The following PTPRG variants were observed in gnomAD, a reference collection of about 807,000 sequenced individuals.
PTPRG encodes protein tyrosine phosphatase receptor type G, also known as receptor-type tyrosine-protein phosphatase gamma.
PTPRG carries 102 observed loss-of-function variants against 165.3 expected under a neutral mutation model. That is an observed-to-expected ratio of 0.62 (90% CI 0.53 to 0.73). The LOEUF (loss-of-function observed/expected upper bound fraction) is 0.73, where lower values mean the gene tolerates loss of function less well. Among genes scored for constraint, PTPRG ranks in the 30% least tolerant of loss-of-function variants. PTPRG has a pLI of 0.00. For missense variants in PTPRG, 1,866 were observed against 1,861.4 expected (o/e 1.00, Z -0.05); for synonymous variants, 675 against 669.5 (o/e 1.01, Z -0.13).
At chr3:61,580,058 A>G (rs188372106) in intron 1 of PTPRG, among the ~76,000 whole-genome samples, 57 of 152,338 alleles carry the variant, frequency 3.7e-4, no homozygotes, top group Admixed American at 7.2e-4. Context: ...ATGCATGTAG[A>G]TACTAGTCTG....
intron 2 of PTPRG, among the ~76,000 whole-genome samples, chr3:61,898,462 CTT>C (rs925882495): frequency 6.6e-6 from 1 of 152,154 alleles, no homozygotes; most frequent in African/African-American, 2.4e-5. Context: ...CCTTGTTTCT[CTT>C]ATTGTATCTC....
intron 4 of PTPRG, among the ~76,000 whole-genome samples, chr3:62,047,906 C>T (rs1269663944): frequency 6.6e-6 from 1 of 152,146 alleles, no homozygotes; most frequent in Non-Finnish European, 1.5e-5. Context: ...AAAAAGCCAG[C>T]ACAGTTATTT....
chr3:62,170,765 A>C (rs1705185400), intron 8 of PTPRG, among the ~76,000 whole-genome samples: 1 of 152,200 alleles, frequency 6.6e-6, no homozygotes, highest in Non-Finnish European at 1.5e-5. Flanking sequence ...ATCTAGATGC[A>C]GTCCTATTTG....
chr3:62,183,902 G>T (rs1354141505), intron 8 of PTPRG, among the ~76,000 whole-genome samples: 4 of 152,186 alleles, frequency 2.6e-5, no homozygotes, highest in Admixed American at 1.3e-4. Context: ...TTGGAGTAAT[G>T]CCCCTGACAT....
chr3:61,835,483 G>A (rs186889912), intron 2 of PTPRG, among the ~76,000 whole-genome samples: 233 of 151,988 alleles, frequency 1.5e-3, no homozygotes, highest in South Asian at 8.1e-3. Context: ...ACAGGCACAC[G>A]CCACCACACC....
intron 12 of PTPRG, among the ~76,000 whole-genome samples, chr3:62,204,603 G>A (rs1455344542): frequency 6.6e-6 from 1 of 152,174 alleles, no homozygotes; most frequent in Non-Finnish European, 1.5e-5. Flanking sequence ...GAGAGGATAG[G>A]GACCTACCTT....
At chr3:61,725,300 A>G (rs2032210582) in intron 1 of PTPRG, among the ~76,000 whole-genome samples, 1 of 152,068 alleles carries the variant, frequency 6.6e-6, no homozygotes, top group Non-Finnish European at 1.5e-5. Flanking sequence ...TATTTTTAGT[A>G]GAGACAGGAT....
At chr3:62,179,326 G>C (rs886498138) in intron 8 of PTPRG, among the ~76,000 whole-genome samples, 1 of 152,142 alleles carries the variant, frequency 6.6e-6, no homozygotes, top group Non-Finnish European at 1.5e-5. Context: ...CAACTCTCTT[G>C]ACTGGTTTTG....
At chr3:61,736,287 A>G (rs890939131) in intron 1 of PTPRG, among the ~76,000 whole-genome samples, 2 of 151,346 alleles carry the variant, frequency 1.3e-5, no homozygotes, top group Non-Finnish European at 2.9e-5. Context: ...CTGTACCTCT[A>G]CAAGTATCAT....
At chr3:62,115,377 AT>A (rs886509908) in intron 5 of PTPRG, among the ~76,000 whole-genome samples, 1 of 152,006 alleles carries the variant, frequency 6.6e-6, no homozygotes. Flanking sequence ...CTCAACTAAA[AT>A]TTTTTTTGGT....
chr3:61,726,600 C>T (rs1448434595), intron 1 of PTPRG, among the ~76,000 whole-genome samples: 1 of 152,182 alleles, frequency 6.6e-6, no homozygotes, highest in Non-Finnish European at 1.5e-5. Context: ...AGAATTATAT[C>T]TTCTCCAATG....
At chr3:61,870,315 TTC>T (rs1387001562) in intron 2 of PTPRG, among the ~76,000 whole-genome samples, 1 of 145,460 alleles carries the variant, frequency 6.9e-6, no homozygotes, top group African/African-American at 2.7e-5. Flanking sequence ...GGAAAAATTA[TTC>T]TTTTTTTTTT....
intron 4 of PTPRG, among the ~76,000 whole-genome samples, chr3:62,029,825 G>A (rs1699703634): frequency 6.6e-6 from 1 of 152,184 alleles, no homozygotes; most frequent in Non-Finnish European, 1.5e-5. Context: ...ATGATAAAAT[G>A]TGAATTATGA....
intron 5 of PTPRG, among the ~76,000 whole-genome samples, chr3:62,097,190 A>C (rs1318940192): frequency 6.6e-6 from 1 of 152,226 alleles, no homozygotes; most frequent in Non-Finnish European, 1.5e-5. Context: ...ATTGGCTGTA[A>C]AACCTAATGG....
At chr3:61,891,435 TG>T (rs761184628) in intron 2 of PTPRG, among the ~76,000 whole-genome samples, 3 of 152,352 alleles carry the variant, frequency 2.0e-5, no homozygotes, top group Non-Finnish European at 4.4e-5. Context: ...AAAGACAATG[TG>T]GAGATTTTCT....
At chr3:61,621,871 T>A (rs1431129190) in intron 1 of PTPRG, among the ~76,000 whole-genome samples, 1 of 152,184 alleles carries the variant, frequency 6.6e-6, no homozygotes, top group African/African-American at 2.4e-5. Flanking sequence ...TGTATGTGGT[T>A]CTCTGTAGAA....
At chr3:62,119,787 A>ATTTTTTTTTTTTTTTT (rs34842750) in intron 5 of PTPRG, among the ~76,000 whole-genome samples, 3 of 111,734 alleles carry the variant, frequency 2.7e-5, no homozygotes, top group Non-Finnish European at 5.3e-5. Flanking sequence ...CGCCTGGCTA[A>ATTTTTTTTTTTTTTTT]TTTTTTTTTT....
chr3:62,041,906 T>C (rs1700141441), intron 4 of PTPRG, among the ~76,000 whole-genome samples: 1 of 152,196 alleles, frequency 6.6e-6, no homozygotes, highest in Admixed American at 6.5e-5. Context: ...TGCTGAGTGC[T>C]GTGCCTGCAT....
intron 2 of PTPRG, among the ~76,000 whole-genome samples, chr3:61,780,544 A>G (rs1414795667): frequency 1.3e-5 from 2 of 152,318 alleles, no homozygotes; most frequent in East Asian, 3.9e-4. Flanking sequence ...GTCAGTATTA[A>G]TATCTTCCTT....
Sources: gnomAD v4.1 joint callset for allele counts (sites outside exome capture counted in the v4.1 genomes callset) on GRCh38, gnomAD v4.1.1 for gene constraint, MANE v1.5 for transcripts, NCBI Gene and HGNC (gene_info 2026-07-23, HGNC 2026-07-21) for gene names.